The following NALF1 variants were observed in gnomAD, a reference collection of about 807,000 sequenced individuals.
NALF1 encodes the protein NALCN channel auxiliary factor 1.
Under a neutral mutation model 48.4 loss-of-function variants are expected in NALF1, and 3 were observed. That is an observed-to-expected ratio of 0.06 (90% CI 0.03 to 0.16). The LOEUF is 0.16. Among genes scored for constraint, NALF1 ranks in the 10% least tolerant of loss-of-function variants. NALF1 has a pLI of 1.00. For missense variants in NALF1, 526 were observed against 571.5 expected, an observed-to-expected ratio of 0.92 and a Z score of 0.81; for synonymous variants, 262 against 245.7, an observed-to-expected ratio of 1.07 and a Z score of -0.62.
chr13:107,280,498 C>G (rs9514645), intron 1 of NALF1, among the ~76,000 whole-genome samples: 67,587 of 152,010 alleles, frequency 0.44, 16,369 homozygotes, highest in South Asian at 0.62. Flanking sequence ...TGTATTTCCT[C>G]ATTGACTGAA....
At chr13:107,625,115 G>A (rs1380628102) in intron 1 of NALF1, among the ~76,000 whole-genome samples, 8 of 152,052 alleles carry the variant, frequency 5.3e-5, no homozygotes, top group Non-Finnish European at 7.4e-5. Flanking sequence ...ACTCACACAC[G>A]GAGTACCACT....
intron 1 of NALF1, among the ~76,000 whole-genome samples, chr13:107,366,868 T>C (rs751409979): frequency 3.3e-4 from 50 of 152,292 alleles, no homozygotes; most frequent in Admixed American, 2.0e-3. Context: ...GGGGAAGGAA[T>C]GGCAGAAACA....
chr13:107,637,540 T>G (rs756623634), intron 1 of NALF1, among the ~76,000 whole-genome samples: 4 of 152,190 alleles, frequency 2.6e-5, no homozygotes, highest in Non-Finnish European at 4.4e-5. Flanking sequence ...AGTGAACAAT[T>G]AAGCTCTCAG....
At chr13:107,570,558 TC>T (rs1261663479) in intron 1 of NALF1, among the ~76,000 whole-genome samples, 5 of 130,662 alleles carry the variant, frequency 3.8e-5, no homozygotes, top group Admixed American at 8.7e-5. Context: ...TTTATTTTTT[TC>T]TTTTATTTAT....
intron 1 of NALF1, among the ~76,000 whole-genome samples, chr13:107,350,731 A>T (rs898224433): frequency 6.6e-6 from 1 of 152,156 alleles, no homozygotes; most frequent in African/African-American, 2.4e-5. Flanking sequence ...GTGGATTTTT[A>T]GGCTATTGCA....
In NALF1 at chr13:107,169,916, T is replaced by C. The variant is rs1221633609; in HGVS notation, c.*581A>G. 1 of 152,704 alleles carries C rather than the reference T, an allele frequency of 6.5e-6. No individual in the cohort carries two copies. Among genetic ancestry groups the C allele is most frequent in the African/African-American group, 2.4e-5 (1 of 41,452 alleles). The allele number at this position is 152,704 out of a possible 1,614,324, so 9.5% of individuals were successfully genotyped here. On this transcript the variant is annotated 3_prime_UTR_variant, in exon 3 of 3. Coordinates refer to ENST00000375915, the MANE Select transcript of NALF1 (RefSeq NM_001080396.3). ...GAAAGGCCGGGAAGGGTGTTGTTGG[T>C]TCTGTGGGTAGAAGGGAGACTTAGG...
At chr13:107,215,513 T>G (rs945915471) in intron 1 of NALF1, among the ~76,000 whole-genome samples, 3 of 152,206 alleles carry the variant, frequency 2.0e-5, no homozygotes, top group African/African-American at 7.2e-5. Flanking sequence ...AAGATTTTTT[T>G]TTTTTAAAGC....
chr13:107,206,176 T>C (rs1594069668), intron 2 of NALF1, among the ~76,000 whole-genome samples: 1 of 152,286 alleles, frequency 6.6e-6, no homozygotes, highest in African/African-American at 2.4e-5. Flanking sequence ...TTTTAAAACA[T>C]TTCTTTAGTC....
At chr13:107,595,407 C>CT (rs1413505669) in intron 1 of NALF1, among the ~76,000 whole-genome samples, 1 of 152,032 alleles carries the variant, frequency 6.6e-6, no homozygotes, top group African/African-American at 2.4e-5. Flanking sequence ...AAGAGAGTAT[C>CT]TCATATGTTC....
At chr13:107,621,999 T>G (rs1413459375) in intron 1 of NALF1, among the ~76,000 whole-genome samples, 1 of 151,262 alleles carries the variant, frequency 6.6e-6, no homozygotes. Context: ...CAAAGCAGTT[T>G]TTTTTTTCTT....
intron 1 of NALF1, among the ~76,000 whole-genome samples, chr13:107,526,270 A>G (rs1040498390): frequency 6.6e-6 from 1 of 152,134 alleles, no homozygotes; most frequent in Admixed American, 6.5e-5. Context: ...TTGAATTTTA[A>G]GATATACCTA....
intron 1 of NALF1, among the ~76,000 whole-genome samples, chr13:107,703,484 T>A (rs1451215434): frequency 6.6e-6 from 1 of 151,808 alleles, no homozygotes; most frequent in Non-Finnish European, 1.5e-5. Flanking sequence ...TAGCTGGGGT[T>A]ACAGGATTAC....
At chr13:107,764,503 A>G (rs995543479) in intron 1 of NALF1, among the ~76,000 whole-genome samples, 1 of 152,096 alleles carries the variant, frequency 6.6e-6, no homozygotes, top group African/African-American at 2.4e-5. Flanking sequence ...GAATACACCA[A>G]TATCTGGTAA....
At chr13:107,296,622 C>T (rs1881731710) in intron 1 of NALF1, among the ~76,000 whole-genome samples, 1 of 152,044 alleles carries the variant, frequency 6.6e-6, no homozygotes, top group South Asian at 2.1e-4. Context: ...AAGTACTTCC[C>T]TTTAAATTGA....
At chr13:107,587,181 G>A (rs1246257646) in intron 1 of NALF1, among the ~76,000 whole-genome samples, 4 of 152,042 alleles carry the variant, frequency 2.6e-5, no homozygotes, top group African/African-American at 7.2e-5. Context: ...GATAGTAGGT[G>A]TAGGACAGTC....
At chr13:107,611,629 T>C (rs561305948) in intron 1 of NALF1, among the ~76,000 whole-genome samples, 3 of 152,196 alleles carry the variant, frequency 2.0e-5, no homozygotes, top group Admixed American at 6.5e-5. Context: ...CCTGTAATCT[T>C]AGCCACTTGG....
At chr13:107,669,319 T>C (rs1047908734) in intron 1 of NALF1, among the ~76,000 whole-genome samples, 1 of 152,166 alleles carries the variant, frequency 6.6e-6, no homozygotes, top group Non-Finnish European at 1.5e-5. Flanking sequence ...TTAATAGTCA[T>C]TGCTTATGAT....
chr13:107,169,937 T>C lies in NALF1; in HGVS notation c.*560A>G. Reference sequence around the variant, plus strand: ...TTGGTTCTGTGGGTAGAAGGGAGACTTAGGGATTTTTTTTATTTTTATTTT... The same window carrying C: ...TTGGTTCTGTGGGTAGAAGGGAGACCTAGGGATTTTTTTTATTTTTATTTT... On this transcript the variant is annotated 3_prime_UTR_variant, in exon 3 of 3. Coordinates refer to ENST00000375915, the MANE Select transcript of NALF1 (RefSeq NM_001080396.3). The C allele has an allele frequency of 7.3e-6, 1 of 137,216 alleles. No individual in the cohort carries two copies. The highest frequency in any genetic ancestry group is 1.6e-5 in the Non-Finnish European group (1 of 63,508). The allele number at this position is 137,216 out of a possible 1,614,324, so 8.5% of individuals were successfully genotyped here.
rs1014955975 is a variant in NALF1 at position 107,168,676 on chromosome 13, C to T, written c.*1821G>A. 21 of 152,396 alleles carry T rather than the reference C, an allele frequency of 1.4e-4. No homozygotes were observed. Among genetic ancestry groups the T allele is most frequent in the African/African-American group, 4.6e-4 (19 of 41,354 alleles). 9.4% of individuals were successfully genotyped at this position (152,396 alleles called of 1,614,324 possible). A position where few individuals can be genotyped will look rare whatever the true frequency, so the allele number is the denominator to read the frequency against. On this transcript the variant is annotated 3_prime_UTR_variant, in exon 3 of 3. Transcript: ENST00000375915. Reference sequence around the variant, plus strand: ...ATTCTAGCAATTTTATTAAGCAATACCTTTATTATTTTTGAATATTCTTAA... The same window carrying T: ...ATTCTAGCAATTTTATTAAGCAATATCTTTATTATTTTTGAATATTCTTAA...
Sources: gnomAD v4.1 joint callset for allele counts (sites outside exome capture counted in the v4.1 genomes callset) on GRCh38, gnomAD v4.1.1 for gene constraint, MANE v1.5 for transcripts, NCBI Gene and HGNC (gene_info 2026-07-23, HGNC 2026-07-21) for gene names.